The following PIK3R5 variants were observed in gnomAD, a reference collection of about 807,000 sequenced individuals.
The protein encoded by PIK3R5 is phosphoinositide-3-kinase regulatory subunit 5.
Under a neutral mutation model 94.9 loss-of-function variants are expected in PIK3R5, and 32 were observed. That is an observed-to-expected ratio of 0.34 (90% CI 0.25 to 0.45). The LOEUF (loss-of-function observed/expected upper bound fraction) is 0.45. PIK3R5 is among the 20% of genes least tolerant of loss of function. The pLI is 1.00. For missense variants in PIK3R5, 853 were observed against 1,144.6 expected, an observed-to-expected ratio of 0.75 and a Z score of 3.68; for synonymous variants, 443 against 479.4, an observed-to-expected ratio of 0.92 and a Z score of 0.99.
chr17:8,919,361 T>C (rs938014062), intron 1 of PIK3R5, among the ~76,000 whole-genome samples: 1 of 152,230 alleles, frequency 6.6e-6, no homozygotes, highest in Non-Finnish European at 1.5e-5. Context: ...TCCAGGCAGT[T>C]ATCAAATGAT....
Position 8,886,684 on chromosome 17 carries a change from A to G in PIK3R5, c.1906-79T>C, listed in dbSNP as rs1008720044. The G allele has an allele frequency of 2.8e-6, 4 of 1,451,436 alleles. No homozygotes were observed. The African/African-American group carries it at 5.7e-5, about 21-fold the overall frequency. The allele number at this position is 1,451,436 out of a possible 1,614,324, so 89.9% of individuals were successfully genotyped here. ...AAGAAGGAGCAAGAATTAGGGAGGA[A>G]GAGAGAAGAGAGACATAGAGGCAGC... On this transcript the variant is annotated intron_variant, in intron 12 of 18. Transcript: ENST00000447110.
intron 15 of PIK3R5, among the ~76,000 whole-genome samples, chr17:8,883,174 C>T (rs918328410): frequency 1.2e-4 from 18 of 152,178 alleles, no homozygotes; most frequent in African/African-American, 4.3e-4. Flanking sequence ...TCGAGACCAG[C>T]CTGGCCAACG....
chr17:8,886,093 C>A (rs2089844634), intron 14 of PIK3R5, 136 bp downstream of exon 14: 1 of 664,754 alleles, frequency 1.5e-6, no homozygotes, highest in Non-Finnish European at 2.6e-6. Flanking sequence ...GTAACCCCGT[C>A]TCCCCAGGGG....
At chr17:8,965,062 C>G (rs2091643869) in intron 1 of PIK3R5, among the ~76,000 whole-genome samples, 1 of 152,038 alleles carries the variant, frequency 6.6e-6, no homozygotes, top group Non-Finnish European at 1.5e-5. Context: ...TGTGTAAACA[C>G]AGATCCTCTG....
At position 8,889,608 on chromosome 17, in the gene PIK3R5, C is replaced by T. The variant is rs188454446; in HGVS notation, c.811+365G>A. ...TTCTATGGTACTGGAGTCATAGAGA[C>T]GATGTTTCCCAGGCTCCTTTGGGGC... is the stretch of plus-strand genomic sequence containing the variant. On this transcript the variant is annotated intron_variant, in intron 8 of 18. Coordinates refer to ENST00000447110, the MANE Select transcript of PIK3R5 (RefSeq NM_001142633.3). This position sits in a 1 kb window ranked among gnomAD's most constrained non-coding sequence, Gnocchi z 4.1. 1.2e-4 allele frequency among the ~76,000 whole-genome samples: 18 copies of T among 152,270 alleles called. No homozygotes were observed. Among genetic ancestry groups the T allele is most frequent in the African/African-American group, 3.9e-4 (16 of 41,552 alleles).
chr17:8,933,112 A>G (rs2091015373), intron 1 of PIK3R5, among the ~76,000 whole-genome samples: 1 of 152,190 alleles, frequency 6.6e-6, no homozygotes, highest in South Asian at 2.1e-4. Context: ...AAACAAAACA[A>G]AAAAAGGACT....
rs149152461 is a variant in PIK3R5, at chr17:8,905,925, A to G, written c.205-188T>C. Among the ~76,000 whole-genome samples, 6 of 151,968 alleles carry G rather than the reference A, an allele frequency of 3.9e-5. No homozygotes were observed. In the East Asian group the frequency reaches 1.2e-3, roughly 29 times the overall value. ...AAAACACTTACAATTTCCCCTCCCA[A>G]ACCCAACCACAGCTGTTTCAATGTC... On this transcript the variant is annotated intron_variant, in intron 3 of 18. Transcript: ENST00000447110.
In PIK3R5 at chr17:8,896,920, T is replaced by G. The variant is rs140900337; in HGVS notation, c.413-3265A>C. Among the ~76,000 whole-genome samples the G allele has an allele frequency of 2.0e-3, 311 of 152,276 alleles. No individual in the cohort carries two copies. The highest frequency in any genetic ancestry group is 7.2e-3 in the African/African-American group (298 of 41,550). On this transcript the variant is annotated intron_variant, in intron 5 of 18. Coordinates refer to ENST00000447110, the MANE Select transcript of PIK3R5 (RefSeq NM_001142633.3). The surrounding 1 kb of genome is among the most constrained non-coding windows in gnomAD (Gnocchi z 4.0). ...CCCCAACGGCATTGCAATCTCCAAA[T>G]GAGACTAGATCAGGTTTGGTTCTCC...
At chr17:8,933,566 C>G (rs2091022498) in intron 1 of PIK3R5, among the ~76,000 whole-genome samples, 1 of 152,042 alleles carries the variant, frequency 6.6e-6, no homozygotes, top group African/African-American at 2.4e-5. Context: ...CCAGCATAAT[C>G]CTGATGTCAA....
chr17:8,887,978 G>A (rs2089913609), intron 10 of PIK3R5, among the ~76,000 whole-genome samples, 193 bp downstream of exon 10: 1 of 147,614 alleles, frequency 6.8e-6, no homozygotes, highest in Non-Finnish European at 1.5e-5. Flanking sequence ...TCCAGCCCGG[G>A]CAACAGAGCA....
chr17:8,940,176 A>G (rs1347865261), intron 1 of PIK3R5, among the ~76,000 whole-genome samples: 2 of 152,124 alleles, frequency 1.3e-5, no homozygotes, highest in East Asian at 3.9e-4. Flanking sequence ...AAAACCCAGG[A>G]GCAGAGCCCA....
chr17:8,958,794 T>C (rs574114626), intron 1 of PIK3R5, among the ~76,000 whole-genome samples: 1 of 151,942 alleles, frequency 6.6e-6, no homozygotes, highest in Non-Finnish European at 1.5e-5. Flanking sequence ...GTTTCCCTCT[T>C]GTTGCTTGGG....
In PIK3R5 at chr17:8,881,597, A is replaced by C; in HGVS notation, c.2382+33T>G. 1 of 1,514,078 alleles carries C rather than the reference A, an allele frequency of 6.6e-7. No individual in the cohort carries two copies. The highest frequency in any genetic ancestry group is 9.1e-7 in the Non-Finnish European group (1 of 1,095,306). The allele number at this position is 1,514,078 out of a possible 1,614,324, so 93.8% of individuals were successfully genotyped here. A position where few individuals can be genotyped will look rare whatever the true frequency, so the allele number is the denominator to read the frequency against. On this transcript the variant is annotated intron_variant, in intron 17 of 18. Coordinates refer to ENST00000447110, the MANE Select transcript of PIK3R5 (RefSeq NM_001142633.3). The surrounding 1 kb of genome is among the most constrained non-coding windows in gnomAD (Gnocchi z 4.8). The stretch of plus-strand genomic sequence containing the variant: ...CATGCACGCTCCAGTAAGTCTCTTG[A>C]GGGTATGGCTGGAAGGAGAGGGAAG...
chr17:8,904,947 T>A lies in PIK3R5; in HGVS notation c.274-32A>T. 6.2e-7 allele frequency: 1 copy of A among 1,606,694 alleles called. No individual in the cohort carries two copies. Among genetic ancestry groups the A allele is most frequent in the South Asian group, 1.1e-5 (1 of 91,040 alleles). On this transcript the variant is annotated intron_variant, in intron 4 of 18. Transcript: ENST00000447110. This position sits in a 1 kb window ranked among gnomAD's most constrained non-coding sequence, Gnocchi z 5.1. ...TGGAGGCAGGCAACAAGCAAAGAGATCTAGGTGAGAAAAGGCTCAGATAGT... is the reference window on the plus strand; with the variant it reads ...TGGAGGCAGGCAACAAGCAAAGAGAACTAGGTGAGAAAAGGCTCAGATAGT...
Position 8,889,337 on chromosome 17 carries a change from A to G in PIK3R5, c.812-115T>C, listed in dbSNP as rs964833035. 1 of 742,560 alleles carries G rather than the reference A, an allele frequency of 1.3e-6. No individual in the cohort carries two copies. The highest frequency in any genetic ancestry group is 1.8e-5 in the African/African-American group (1 of 56,076). The allele number at this position is 742,560 out of a possible 1,614,324, so 46.0% of individuals were successfully genotyped here. ...GAGATGGGACAGGATCGGCACAAGG[A>G]TATGTAGCTGGATAGGCTGAGGCTG... On this transcript the variant is annotated intron_variant, in intron 8 of 18. Transcript: ENST00000447110. The surrounding 1 kb of genome is among the most constrained non-coding windows in gnomAD (Gnocchi z 4.1).
At chr17:8,916,533 A>C (rs1464682159) in intron 1 of PIK3R5, 1 of 117,386 alleles carries the variant, frequency 8.5e-6, no homozygotes, top group Non-Finnish European at 1.6e-5. Flanking sequence ...GGTGGTGTTG[A>C]AATATCCAAC....
intron 6 of PIK3R5, among the ~76,000 whole-genome samples, chr17:8,891,353 G>T (rs1485174848): frequency 1.3e-5 from 2 of 152,140 alleles, no homozygotes; most frequent in Admixed American, 6.5e-5. Flanking sequence ...TCTGGGGCGA[G>T]CGGGACATGA....
At chr17:8,956,612 CT>C (rs1480871286) in intron 1 of PIK3R5, among the ~76,000 whole-genome samples, 1 of 152,158 alleles carries the variant, frequency 6.6e-6, no homozygotes, top group Non-Finnish European at 1.5e-5. Context: ...TCACAGCCCC[CT>C]GTGTTCTCTT....
intron 1 of PIK3R5, among the ~76,000 whole-genome samples, chr17:8,957,508 T>C (rs972272686): frequency 1.3e-5 from 2 of 152,260 alleles, no homozygotes; most frequent in Non-Finnish European, 2.9e-5. Flanking sequence ...ACTTCTTAAT[T>C]ACTTCATATT....
Sources: allele counts gnomAD v4.1 joint callset (sites outside exome capture counted in the v4.1 genomes callset), GRCh38; gene constraint gnomAD v4.1.1; non-coding constraint Gnocchi (gnomAD v3.1); transcripts MANE v1.5; gene names NCBI Gene and HGNC (gene_info 2026-07-23, HGNC 2026-07-21).